Variants in KAZN observed in about 807,000 individuals in gnomAD.
KAZN encodes the protein kazrin, periplakin interacting protein.
A neutral mutation model predicts 87.4 loss-of-function variants in KAZN; 40 were observed. The observed-to-expected ratio is 0.46, with a 90% CI of 0.36 to 0.60. KAZN has a LOEUF of 0.60. Ranked by LOEUF, KAZN falls within the 20% of genes least tolerant of loss-of-function variation. The pLI is 0.00. For missense variants in KAZN, 898 were observed against 1,073.9 expected, an observed-to-expected ratio of 0.84 and a Z score of 2.29; for synonymous variants, 466 against 458.3, an observed-to-expected ratio of 1.02 and a Z score of -0.22.
At chr1:14,197,717 A>C (rs778342873) in intron 2 of KAZN, among the ~76,000 whole-genome samples, 2 of 152,170 alleles carry the variant, frequency 1.3e-5, no homozygotes, top group Non-Finnish European at 2.9e-5. Flanking sequence ...ACAAAAAAGA[A>C]AAACCACCAC....
intron 2 of KAZN, among the ~76,000 whole-genome samples, chr1:15,005,636 A>G (rs1668927106): frequency 6.6e-6 from 1 of 152,094 alleles, no homozygotes; most frequent in African/African-American, 2.4e-5. Context: ...AAATATTTTA[A>G]AAATAACTAG....
chr1:13,953,140 C>A (rs1641417975), intron 1 of KAZN, among the ~76,000 whole-genome samples: 1 of 152,094 alleles, frequency 6.6e-6, no homozygotes, highest in Non-Finnish European at 1.5e-5. Context: ...CTGGGAGGAT[C>A]AGAGCTTCCG....
At position 14,820,209 on chromosome 1, in the gene KAZN, G is replaced by T. The variant is rs1646699396; in HGVS notation, c.227-140475G>T. Among the ~76,000 whole-genome samples, 1 of 152,198 alleles carries T rather than the reference G, an allele frequency of 6.6e-6. No individual in the cohort carries two copies. On this transcript the variant is annotated intron_variant, in intron 1 of 14. Coordinates refer to ENST00000376030, the MANE Select transcript of KAZN (RefSeq NM_201628.3). The surrounding 1 kb of genome is among the most constrained non-coding windows in gnomAD (Gnocchi z 4.1). ...CACATTCTGTGACGTTCACACAGAG[G>T]GGCTGGTGCTGCTGGTCAAAGATCA...
chr1:14,880,299 AT>A (rs1653198719), intron 1 of KAZN, among the ~76,000 whole-genome samples: 1 of 152,140 alleles, frequency 6.6e-6, no homozygotes, highest in South Asian at 2.1e-4. Context: ...CAGTTTGTAG[AT>A]GATAAAGCTG....
intron 2 of KAZN, among the ~76,000 whole-genome samples, chr1:14,493,919 C>T (rs752916802): frequency 6.6e-6 from 1 of 152,192 alleles, no homozygotes; most frequent in Non-Finnish European, 1.5e-5. Flanking sequence ...TCAGTCCCAT[C>T]TCCAGGTCAG....
chr1:14,404,178 C>G (rs376520594), intron 2 of KAZN, among the ~76,000 whole-genome samples: 7 of 152,136 alleles, frequency 4.6e-5, no homozygotes, highest in African/African-American at 1.2e-4. Flanking sequence ...ACCTAGTTGA[C>G]GCTGTATTAC....
intron 1 of KAZN, among the ~76,000 whole-genome samples, chr1:14,638,571 A>T (rs1232741456): frequency 1.1e-5 from 1 of 92,408 alleles, no homozygotes; most frequent in Non-Finnish European, 2.0e-5. Context: ...TCCGTCTCAA[A>T]AAAAAAACAA....
intron 2 of KAZN, among the ~76,000 whole-genome samples, chr1:14,195,544 A>AC (rs1296412433): frequency 2.0e-5 from 2 of 99,138 alleles, no homozygotes; most frequent in Non-Finnish European, 4.7e-5. Context: ...CACACACACA[A>AC]TCACTAAACA....
At chr1:14,364,144 G>A (rs908058298) in intron 2 of KAZN, among the ~76,000 whole-genome samples, 1 of 152,058 alleles carries the variant, frequency 6.6e-6, no homozygotes, top group African/African-American at 2.4e-5. Context: ...TGGAGGTCAT[G>A]CCCCCGGCAC....
chr1:14,450,127 C>G (rs1027911721), intron 2 of KAZN, among the ~76,000 whole-genome samples: 3 of 152,016 alleles, frequency 2.0e-5, no homozygotes, highest in African/African-American at 7.2e-5. Context: ...GCTGCCCCCC[C>G]GCCTGCAGTC....
At chr1:14,366,537 C>A (rs1240724804) in intron 2 of KAZN, among the ~76,000 whole-genome samples, 1 of 152,254 alleles carries the variant, frequency 6.6e-6, no homozygotes, top group African/African-American at 2.4e-5. Flanking sequence ...CCAGCAGGGG[C>A]AGACTCCATT....
At chr1:14,111,740 C>CTTTTTT (rs68167208) in intron 1 of KAZN, among the ~76,000 whole-genome samples, 1 of 80,788 alleles carries the variant, frequency 1.2e-5, no homozygotes, top group African/African-American at 5.3e-5. Flanking sequence ...AGATTCTTTT[C>CTTTTTT]TTTTTTTTTT....
chr1:14,171,880 A>G (rs1421601714), intron 1 of KAZN, among the ~76,000 whole-genome samples: 1 of 152,210 alleles, frequency 6.6e-6, no homozygotes, highest in Non-Finnish European at 1.5e-5. Context: ...AAAGTACGGT[A>G]AGCTGTTATT....
At chr1:14,245,643 G>A (rs1315368215) in intron 2 of KAZN, among the ~76,000 whole-genome samples, 1 of 152,164 alleles carries the variant, frequency 6.6e-6, no homozygotes, top group Non-Finnish European at 1.5e-5. Context: ...TCTATAAGGG[G>A]CTGAAGGATT....
At chr1:14,822,976 C>A (rs955921184) in intron 1 of KAZN, among the ~76,000 whole-genome samples, 1 of 152,162 alleles carries the variant, frequency 6.6e-6, no homozygotes, top group Non-Finnish European at 1.5e-5. Flanking sequence ...TAAAGGGGAT[C>A]GCCACCATCC....
At chr1:14,926,807 C>G (rs868094364) in intron 1 of KAZN, among the ~76,000 whole-genome samples, 11 of 152,172 alleles carry the variant, frequency 7.2e-5, no homozygotes, top group South Asian at 2.1e-4. Context: ...CACTTGATCC[C>G]AAGTCAAATG....
chr1:15,011,605 A>G (rs1669578702), intron 2 of KAZN, among the ~76,000 whole-genome samples: 3 of 152,150 alleles, frequency 2.0e-5, no homozygotes, highest in Admixed American at 2.0e-4. Flanking sequence ...ACTGCTAAAG[A>G]CTTGAAGTGT....
At chr1:14,906,883 C>T (rs1343686160) in intron 1 of KAZN, among the ~76,000 whole-genome samples, 1 of 151,636 alleles carries the variant, frequency 6.6e-6, no homozygotes, top group East Asian at 1.9e-4. Flanking sequence ...GCCTTGTTCC[C>T]TAGGGCTGAG....
intron 2 of KAZN, among the ~76,000 whole-genome samples, chr1:14,280,110 C>T (rs1652727459): frequency 6.6e-6 from 1 of 152,014 alleles, no homozygotes. Flanking sequence ...CACCTGTAAT[C>T]CCAGCGCTTC....
Sources: allele counts gnomAD v4.1 joint callset (sites outside exome capture counted in the v4.1 genomes callset), GRCh38; gene constraint gnomAD v4.1.1; non-coding constraint Gnocchi (gnomAD v3.1); transcripts MANE v1.5; gene names NCBI Gene and HGNC (gene_info 2026-07-23, HGNC 2026-07-21).